Variants in TEC observed in about 807,000 individuals in gnomAD.
The protein encoded by TEC is tyrosine-protein kinase Tec.
A neutral mutation model predicts 93.0 loss-of-function variants in TEC; 72 were observed. The observed-to-expected ratio is 0.77, with a 90% CI of 0.64 to 0.94. The LOEUF (loss-of-function observed/expected upper bound fraction) is 0.94, where lower values mean the gene tolerates loss of function less well. Among genes scored for constraint, TEC ranks in the 40% least tolerant of loss-of-function variants. The pLI is 0.00. For missense variants in TEC, 630 were observed against 757.9 expected, an observed-to-expected ratio of 0.83 and a Z score of 1.98; for synonymous variants, 249 against 247.7, an observed-to-expected ratio of 1.01 and a Z score of -0.05.
chr4:48,244,053 A>G (rs1407416398), intron 1 of TEC, among the ~76,000 whole-genome samples: 1 of 152,056 alleles, frequency 6.6e-6, no homozygotes, highest in Non-Finnish European at 1.5e-5. Context: ...GGTAGATGGC[A>G]AGGCAAAGGC....
At chr4:48,145,731 C>A (rs1719880696) in intron 12 of TEC, 152 bp from the exon 13 acceptor site, 2 of 881,170 alleles carry the variant, frequency 2.3e-6, no homozygotes, top group East Asian at 2.6e-5. Context: ...AGACTTGAAA[C>A]CTGCATCTGA....
intron 2 of TEC, among the ~76,000 whole-genome samples, chr4:48,186,946 T>C (rs1439953511): frequency 6.6e-6 from 1 of 152,260 alleles, no homozygotes; most frequent in East Asian, 1.9e-4. Context: ...CAACAGCTCA[T>C]TGAGAACGGG....
chr4:48,182,539 G>GTGTGTA (rs1721635479), intron 2 of TEC, among the ~76,000 whole-genome samples: 1 of 115,920 alleles, frequency 8.6e-6, no homozygotes, highest in Non-Finnish European at 1.9e-5. Context: ...AATACTCTGT[G>GTGTGTA]TGTGTGTGTG....
intron 1 of TEC, among the ~76,000 whole-genome samples, chr4:48,260,985 A>C (rs1287531977): frequency 6.6e-6 from 1 of 152,164 alleles, no homozygotes; most frequent in African/African-American, 2.4e-5. Context: ...CTACAAAATG[A>C]CAATTTTTTT....
intron 2 of TEC, among the ~76,000 whole-genome samples, chr4:48,214,458 C>T (rs976278550): frequency 2.6e-5 from 4 of 152,180 alleles, no homozygotes; most frequent in Non-Finnish European, 5.9e-5. Flanking sequence ...AACGATTTTT[C>T]AAATTTATGA....
At position 48,138,831 on chromosome 4, in the gene TEC, G is replaced by C. The variant is rs774416105; in HGVS notation, c.1655-9C>G. On this transcript the variant is annotated splice_polypyrimidine_tract_variant and intron_variant, in intron 16 of 17. Transcript: ENST00000381501. ...TTCCCACATTAAAACACCTGGAAAA[G>C]GATAAGGATTACCAAATGGATGTAT... 13 of 1,613,522 alleles carry C rather than the reference G, an allele frequency of 8.1e-6. No homozygotes were observed. The highest frequency in any genetic ancestry group is 1.1e-5 in the Non-Finnish European group (13 of 1,179,586).
In TEC at chr4:48,164,491, A is replaced by T. The variant is rs535348614; in HGVS notation, c.672-724T>A. The stretch of plus-strand genomic sequence containing the variant: ...AAACAGATATACATATAAAATTTAA[A>T]AATTGAGTAGAAACCTTATAATCTT... On this transcript the variant is annotated intron_variant, in intron 7 of 17. Coordinates refer to ENST00000381501, the MANE Select transcript of TEC (RefSeq NM_003215.3). 1.7e-4 allele frequency among the ~76,000 whole-genome samples: 26 copies of T among 152,328 alleles called. No individual in the cohort carries two copies. The East Asian group carries it at 3.1e-3, about 18-fold the overall frequency.
At chr4:48,254,808 G>A (rs1426497987) in intron 1 of TEC, among the ~76,000 whole-genome samples, 4 of 152,232 alleles carry the variant, frequency 2.6e-5, no homozygotes, top group Non-Finnish European at 5.9e-5. Context: ...CCATAGGGCA[G>A]GATGGAGGGG....
intron 2 of TEC, among the ~76,000 whole-genome samples, chr4:48,227,641 CAAA>C (rs34047322): frequency 1.2e-5 from 1 of 84,298 alleles, no homozygotes; most frequent in Non-Finnish European, 2.4e-5. Context: ...GACACTGTCT[CAAA>C]AAAAAAAAAA....
At chr4:48,163,617 T>A in intron 8 of TEC, 85 bp downstream of exon 8, 1 of 831,320 alleles carries the variant, frequency 1.2e-6, no homozygotes, top group Non-Finnish European at 1.9e-6. Context: ...ATGAAAGATA[T>A]CCATTAATCT....
In TEC at chr4:48,250,543, G is replaced by A. The variant is rs187073583; in HGVS notation, c.-46+19209C>T. On this transcript the variant is annotated intron_variant, in intron 1 of 17. Transcript: ENST00000381501. ...TTGACACAAGCTGAGTCCTTAAAACGTGTGCGTTTGTTTCTACTTCCTCTC... is the reference window on the plus strand; with the variant it reads ...TTGACACAAGCTGAGTCCTTAAAACATGTGCGTTTGTTTCTACTTCCTCTC... 4.6e-5 allele frequency among the ~76,000 whole-genome samples: 7 copies of A among 152,274 alleles called. No homozygotes were observed. The East Asian group carries it at 7.7e-4, about 17-fold the overall frequency.
At chr4:48,163,838 G>T in intron 7 of TEC, 71 bp from the exon 8 acceptor site, 1 of 841,158 alleles carries the variant, frequency 1.2e-6, no homozygotes, top group Non-Finnish European at 1.8e-6. Flanking sequence ...AAAGATTATT[G>T]CCTTTTGAAA....
intron 1 of TEC, among the ~76,000 whole-genome samples, chr4:48,230,912 A>C (rs1723627785): frequency 6.6e-6 from 1 of 151,864 alleles, no homozygotes; most frequent in Non-Finnish European, 1.5e-5. Context: ...AAGCCTTCCA[A>C]CTCCTGGGCC....
At chr4:48,150,456 C>T (rs1358973015) in intron 10 of TEC, among the ~76,000 whole-genome samples, 2 of 152,084 alleles carry the variant, frequency 1.3e-5, no homozygotes, top group Non-Finnish European at 2.9e-5. Context: ...TACCATCCCC[C>T]ATCCCCAAAC....
At chr4:48,264,626 A>G (rs918916090) in intron 1 of TEC, among the ~76,000 whole-genome samples, 2 of 145,186 alleles carry the variant, frequency 1.4e-5, no homozygotes, top group Non-Finnish European at 3.0e-5. Flanking sequence ...CGACAAGCTC[A>G]TCCACATCTT....
At position 48,141,339 on chromosome 4, in the gene TEC, G is replaced by T; in HGVS notation, c.1535+16C>A. On this transcript the variant is annotated intron_variant, in intron 15 of 17. Coordinates refer to ENST00000381501, the MANE Select transcript of TEC (RefSeq NM_003215.3). ...AAATGCAAACATCACCTAAAACCACGTATACTTGGACATACCTGGCCATTC... is the reference window on the plus strand; with the variant it reads ...AAATGCAAACATCACCTAAAACCACTTATACTTGGACATACCTGGCCATTC... 1 of 1,610,488 alleles carries T rather than the reference G, an allele frequency of 6.2e-7. No individual in the cohort carries two copies.
chr4:48,264,252 T>A (rs1238024086), intron 1 of TEC, among the ~76,000 whole-genome samples: 1 of 152,104 alleles, frequency 6.6e-6, no homozygotes, highest in Non-Finnish European at 1.5e-5. Context: ...GGCTAAAAAA[T>A]TAGTGACTTT....
At chr4:48,148,746 T>C (rs900588002) in intron 11 of TEC, among the ~76,000 whole-genome samples, 4 of 152,198 alleles carry the variant, frequency 2.6e-5, no homozygotes, top group Non-Finnish European at 4.4e-5. Flanking sequence ...CATGGGGGTC[T>C]GTTGTACAGA....
chr4:48,170,191 A>T (rs1721043691), intron 5 of TEC, 57 bp downstream of exon 5: 1 of 1,390,764 alleles, frequency 7.2e-7, no homozygotes, highest in Non-Finnish European at 1.0e-6. Flanking sequence ...TTCTTACCAT[A>T]CCAATAATAC....
Sources: allele counts gnomAD v4.1 joint callset (sites outside exome capture counted in the v4.1 genomes callset), GRCh38; gene constraint gnomAD v4.1.1; transcripts MANE v1.5; gene names NCBI Gene and HGNC (gene_info 2026-07-23, HGNC 2026-07-21).